TMEM97: variants seen among roughly 807,000 people sequenced by gnomAD.
TMEM97 encodes the protein transmembrane protein 97.
TMEM97 carries 13 observed loss-of-function variants against 18.3 expected under a neutral mutation model. That is an observed-to-expected ratio of 0.71 (90% CI 0.46 to 1.13). TMEM97 has a LOEUF of 1.13. TMEM97 is among the 50% of genes most tolerant of loss of function. The pLI is 0.00. For synonymous variants in TMEM97, 76 were observed against 85.3 expected (o/e 0.89, Z 0.60); for missense variants, 205 against 210.5 (o/e 0.97, Z 0.16).
intron 1 of TMEM97, among the ~76,000 whole-genome samples, chr17:28,323,262 T>G (rs765885337): frequency 1.2e-4 from 19 of 152,180 alleles, no homozygotes; most frequent in Non-Finnish European, 2.2e-4. Flanking sequence ...GATAATTCAT[T>G]ATTACGACAT....
intron 1 of TMEM97, 24 bp downstream of exon 1, chr17:28,319,389 G>T: frequency 7.0e-7 from 1 of 1,420,314 alleles, no homozygotes; most frequent in Non-Finnish European, 9.2e-7. Flanking sequence ...CTCTTATCCC[G>T]GCCCGCTGAG....
intron 1 of TMEM97, among the ~76,000 whole-genome samples, chr17:28,321,800 C>CTG (rs538038865): frequency 0.14 from 17,990 of 132,052 alleles, 684 homozygotes; most frequent in Middle Eastern, 0.2. Flanking sequence ...TGGCCAGAAC[C>CTG]TGTGTGTGTG....
At chr17:28,326,478 A>G in intron 2 of TMEM97, 56 bp from the exon 3 acceptor site, 1 of 1,562,902 alleles carries the variant, frequency 6.4e-7, no homozygotes, top group Non-Finnish European at 8.7e-7. Context: ...AAGGTCATGG[A>G]CACCTTTGAG....
chr17:28,326,323 AC>A (rs1159934794), intron 2 of TMEM97, among the ~76,000 whole-genome samples: 1 of 151,856 alleles, frequency 6.6e-6, no homozygotes, highest in African/African-American at 2.4e-5. Context: ...TTATGTTCTG[AC>A]CCCCATTCTT....
At chr17:28,326,340 TTTGGCGAGCTG>T in intron 2 of TMEM97, among the ~76,000 whole-genome samples, 183 bp from the exon 3 acceptor site, 1 of 152,214 alleles carries the variant, frequency 6.6e-6, no homozygotes, top group Admixed American at 6.5e-5. Flanking sequence ...TTCTTGGTTC[TTTGGCGAGCTG>T]TCGGTGAGCT....
intron 1 of TMEM97, among the ~76,000 whole-genome samples, chr17:28,321,961 T>C (rs1435688133): frequency 1.3e-5 from 2 of 152,176 alleles, no homozygotes; most frequent in Non-Finnish European, 2.9e-5. Flanking sequence ...GTGCCTCCAT[T>C]CTTGTTGCTT....
Position 28,319,214 on chromosome 17 carries a change from G to A in TMEM97, c.-26G>A. ...GGATTTGGCCCCTCTTCTCACATCA[G>A]CGGGTCCAGGCCCAACCGACAGACT... On this transcript the variant is annotated 5_prime_UTR_variant, in exon 1 of 3. Coordinates refer to ENST00000226230, the MANE Select transcript of TMEM97 (RefSeq NM_014573.3). 6.4e-7 allele frequency: 1 copy of A among 1,573,844 alleles called. No individual in the cohort carries two copies.
intron 1 of TMEM97, among the ~76,000 whole-genome samples, chr17:28,322,170 AT>A (rs1188886258): frequency 1.3e-5 from 2 of 150,660 alleles, no homozygotes; most frequent in African/African-American, 4.9e-5. Context: ...TGCACAATAA[AT>A]TTTTTTTCTT....
rs1906445297 is a variant in TMEM97 at position 28,328,104 on chromosome 17, T to TA, written c.*1312dup. ...CTCAAGTTCAACCTTAAAATGATGT[T>TA]AGACAACAGGTCCCAGTCAGTTCCC... On this transcript the variant is annotated 3_prime_UTR_variant, in exon 3 of 3. Coordinates refer to ENST00000226230, the MANE Select transcript of TMEM97 (RefSeq NM_014573.3). The TA allele has an allele frequency of 6.5e-6, 1 of 153,226 alleles. No individual in the cohort carries two copies. The highest frequency in any genetic ancestry group is 1.5e-5 in the Non-Finnish European group (1 of 68,534). The allele number at this position is 153,226 out of a possible 1,614,324, so 9.5% of individuals were successfully genotyped here.
At chr17:28,325,403 T>C (rs2142158427) in intron 1 of TMEM97, 100 bp from the exon 2 acceptor site, 1 of 1,479,660 alleles carries the variant, frequency 6.8e-7, no homozygotes, top group Admixed American at 2.2e-5. Context: ...GGGGGGTGGC[T>C]AATTAATGAC....
rs1364675178 is a variant in TMEM97, at chr17:28,327,630, C to T, written c.*837C>T. The T allele has an allele frequency of 6.6e-6, 1 of 152,194 alleles. No homozygotes were observed. The highest frequency in any genetic ancestry group is 1.9e-4 in the East Asian group (1 of 5,200). 9.4% of individuals were successfully genotyped at this position (152,194 alleles called of 1,614,324 possible). A position where few individuals can be genotyped will look rare whatever the true frequency, so the allele number is the denominator to read the frequency against. On this transcript the variant is annotated 3_prime_UTR_variant, in exon 3 of 3. Transcript: ENST00000226230. ...CTATATCAATGTTTTCTTGTTCCCA[C>T]CTCTAACCCAAGGAAAAAAGAGAAA...
chr17:28,321,844 TTGTG>T (rs1455150071), intron 1 of TMEM97, among the ~76,000 whole-genome samples: 1 of 75,888 alleles, frequency 1.3e-5, no homozygotes, highest in African/African-American at 5.0e-5. Flanking sequence ...GTGTGTGTGT[TTGTG>T]TGAGATTTAG....
At chr17:28,324,538 G>C (rs1216352322) in intron 1 of TMEM97, among the ~76,000 whole-genome samples, 4 of 152,144 alleles carry the variant, frequency 2.6e-5, no homozygotes, top group Non-Finnish European at 5.9e-5. Context: ...GTCTTTGAAG[G>C]CCTGTGTGTC....
At position 28,327,790 on chromosome 17, in the gene TMEM97, T is replaced by C. The variant is rs1906425278; in HGVS notation, c.*997T>C. 1 of 152,194 alleles carries C rather than the reference T, an allele frequency of 6.6e-6. No homozygotes were observed. The highest frequency in any genetic ancestry group is 1.5e-5 in the Non-Finnish European group (1 of 68,020). The allele number at this position is 152,194 out of a possible 1,614,324, so 9.4% of individuals were successfully genotyped here. On this transcript the variant is annotated 3_prime_UTR_variant, in exon 3 of 3. Coordinates refer to ENST00000226230, the MANE Select transcript of TMEM97 (RefSeq NM_014573.3). Reference sequence around the variant, plus strand: ...CAGATCATCCTAGGCGAAAGTTTTTTTTGTTTGTTTGCTTTTAAATTAGTT... The same window carrying C: ...CAGATCATCCTAGGCGAAAGTTTTTCTTGTTTGTTTGCTTTTAAATTAGTT...
At chr17:28,319,491 T>C (rs1906056300) in intron 1 of TMEM97, 126 bp downstream of exon 1, 12 of 1,172,080 alleles carry the variant, frequency 1.0e-5, no homozygotes, top group Non-Finnish European at 1.4e-5. Flanking sequence ...TGCCCATGCC[T>C]CCCCCGCTCC....
chr17:28,325,392 T>TG (rs1448604417), intron 1 of TMEM97, 111 bp from the exon 2 acceptor site: 10 of 1,394,882 alleles, frequency 7.2e-6, no homozygotes, highest in Non-Finnish European at 9.7e-6. Flanking sequence ...GCCGGGGTAG[T>TG]GGGGGGTGGC....
Position 28,326,748 on chromosome 17 carries a change from G to A in TMEM97, c.486G>A (p.Leu162=). The A allele has an allele frequency of 1.2e-6, 2 of 1,613,782 alleles. No homozygotes were observed. The highest frequency in any genetic ancestry group is 1.7e-6 in the Non-Finnish European group (2 of 1,180,002). Residue 162 remains leucine (L), a synonymous_variant, in exon 3 of 3, where the codon TTG becomes TTA. Transcript: ENST00000226230. ...CATTCATACTTTTAATTTTCATGTT[G>A]CGGAGCCCCTACTACAAGTATGAAG... The part of the protein sequence containing the change: ...LIPFILLIFM[L]RSPYYKYEEK...
rs141998577 is a variant in TMEM97, at chr17:28,320,802, A to G, written c.126+1437A>G. 3.8e-4 allele frequency among the ~76,000 whole-genome samples: 58 copies of G among 152,274 alleles called. No individual in the cohort carries two copies. The East Asian group carries it at 6.9e-3, about 18-fold the overall frequency. On this transcript the variant is annotated intron_variant, in intron 1 of 2. Transcript: ENST00000226230. ...CTCTTCCATTTTCTGGTGGCTGCCA[A>G]TGTTCCTTGGCTTGTGTTCACGTCA...
intron 1 of TMEM97, among the ~76,000 whole-genome samples, chr17:28,321,200 A>G (rs782255475): frequency 1.3e-5 from 2 of 152,220 alleles, no homozygotes; most frequent in Non-Finnish European, 2.9e-5. Context: ...CTGTGTGGCC[A>G]GCAATACTCA....
Sources: allele counts gnomAD v4.1 joint callset (sites outside exome capture counted in the v4.1 genomes callset), GRCh38; gene constraint gnomAD v4.1.1; transcripts MANE v1.5; gene names NCBI Gene and HGNC (gene_info 2026-07-23, HGNC 2026-07-21).